Variants in HDAC9 observed in about 807,000 individuals in gnomAD.
HDAC9 encodes MEF-2 interacting transcription repressor (MITR) protein.
HDAC9 carries 41 observed loss-of-function variants against 139.4 expected under a neutral mutation model. That is an observed-to-expected ratio of 0.29 (90% CI 0.23 to 0.38). The LOEUF (loss-of-function observed/expected upper bound fraction) is 0.38. Ranked by LOEUF, HDAC9 falls within the 10% of genes least tolerant of loss-of-function variation. The pLI, the probability that HDAC9 is intolerant of heterozygous loss-of-function variation, is 1.00. For synonymous variants in HDAC9, 517 were observed against 476.2 expected (o/e 1.09, Z -1.12); for missense variants, 1,147 against 1,297.0 (o/e 0.88, Z 1.78).
At chr7:18,304,552 A>G (rs924819223) in intron 1 of HDAC9, among the ~76,000 whole-genome samples, 4 of 152,176 alleles carry the variant, frequency 2.6e-5, no homozygotes, top group Admixed American at 2.6e-4. Context: ...GGGGACACAG[A>G]TGTATAGAAA....
intron 2 of HDAC9, among the ~76,000 whole-genome samples, chr7:18,563,725 AC>A (rs71014390): frequency 3.4e-5 from 5 of 148,222 alleles, no homozygotes; most frequent in African/African-American, 7.5e-5. Context: ...GAACCACCCA[AC>A]CCCCCCCATG....
intron 17 of HDAC9, among the ~76,000 whole-genome samples, chr7:18,812,969 T>G (rs1436065528): frequency 1.3e-5 from 2 of 152,120 alleles, no homozygotes; most frequent in Admixed American, 1.3e-4. Flanking sequence ...CATTGTACTA[T>G]TTACTTCTAG....
rs1239860480 is a variant in HDAC9 at position 18,499,352 on chromosome 7, A to G, written c.22+3028A>G. ...GAATACAAGTTTTTTTTATGGTTGTATGTTTTTTTGATATTGACTCGGCCA... is the reference window on the plus strand; with the variant it reads ...GAATACAAGTTTTTTTTATGGTTGTGTGTTTTTTTGATATTGACTCGGCCA... On this transcript the variant is annotated intron_variant, in intron 2 of 25. Transcript: ENST00000686413. Among the ~76,000 whole-genome samples, 7 of 152,146 alleles carry G rather than the reference A, an allele frequency of 4.6e-5. No homozygotes were observed. The East Asian group carries it at 1.4e-3, about 29-fold the overall frequency.
At chr7:18,925,060 C>T (rs998001294) in intron 22 of HDAC9, among the ~76,000 whole-genome samples, 3 of 152,008 alleles carry the variant, frequency 2.0e-5, no homozygotes, top group African/African-American at 7.2e-5. Flanking sequence ...GCAAAAAAAT[C>T]GAAGTGGATC....
intron 2 of HDAC9, among the ~76,000 whole-genome samples, chr7:18,228,941 C>T (rs958967517): frequency 5.3e-5 from 8 of 152,120 alleles, no homozygotes; most frequent in Admixed American, 2.6e-4. Flanking sequence ...GGTCAAAATC[C>T]AGTATGGGAA....
At chr7:18,267,398 T>A (rs1398193095) in intron 2 of HDAC9, among the ~76,000 whole-genome samples, 2 of 152,108 alleles carry the variant, frequency 1.3e-5, no homozygotes, top group African/African-American at 4.8e-5. Flanking sequence ...AACTTATTCC[T>A]CCTATCTAAC....
intron 17 of HDAC9, 65 bp from the exon 18 acceptor site, chr7:18,829,096 C>A: frequency 8.8e-7 from 1 of 1,136,664 alleles, no homozygotes; most frequent in Non-Finnish European, 1.3e-6. Context: ...CCTGGAGATC[C>A]AAGCAATCCC....
intron 2 of HDAC9, chr7:18,260,611 G>C (rs1055968348): frequency 1.9e-5 from 3 of 154,358 alleles, no homozygotes; most frequent in African/African-American, 7.2e-5. Flanking sequence ...GAGCCACCGC[G>C]CCCGGCCAAC....
At chr7:18,317,769 T>A (rs1416996841) in intron 1 of HDAC9, among the ~76,000 whole-genome samples, 1 of 152,206 alleles carries the variant, frequency 6.6e-6, no homozygotes, top group African/African-American at 2.4e-5. Flanking sequence ...TCTGTAAATC[T>A]ATGGTGTAAG....
At chr7:18,349,287 C>T (rs1782662897) in intron 1 of HDAC9, among the ~76,000 whole-genome samples, 1 of 146,644 alleles carries the variant, frequency 6.8e-6, no homozygotes. Context: ...TCCAGATGAC[C>T]TCCCATACTT....
At chr7:18,915,430 T>A (rs1250399844) in intron 22 of HDAC9, among the ~76,000 whole-genome samples, 1 of 151,806 alleles carries the variant, frequency 6.6e-6, no homozygotes, top group Admixed American at 6.6e-5. Context: ...TTTTTTAAGT[T>A]GAATAAAATA....
chr7:18,974,974 A>G (rs1447897719), intron 24 of HDAC9, among the ~76,000 whole-genome samples: 1 of 152,214 alleles, frequency 6.6e-6, no homozygotes, highest in Non-Finnish European at 1.5e-5. Context: ...GGCTGCAGAG[A>G]TAGTACTAAC....
At chr7:18,623,668 G>C (rs1246763723) in intron 6 of HDAC9, among the ~76,000 whole-genome samples, 1 of 152,182 alleles carries the variant, frequency 6.6e-6, no homozygotes, top group Non-Finnish European at 1.5e-5. Flanking sequence ...TGGTGGCTGG[G>C]TGCAGTGGCT....
chr7:18,517,494 C>A (rs1237721160), intron 2 of HDAC9, among the ~76,000 whole-genome samples: 1 of 152,148 alleles, frequency 6.6e-6, no homozygotes, highest in Non-Finnish European at 1.5e-5. Flanking sequence ...CATTTCTCCT[C>A]TTTTACAGTC....
chr7:18,218,428 G>A (rs138362339), intron 2 of HDAC9, among the ~76,000 whole-genome samples: 1,966 of 151,924 alleles, frequency 0.013, 22 homozygotes, highest in Middle Eastern at 0.027. Flanking sequence ...TGGGAGACAG[G>A]GAGAGACTCT....
intron 2 of HDAC9, among the ~76,000 whole-genome samples, chr7:18,243,932 T>C (rs1333683719): frequency 6.6e-6 from 1 of 152,144 alleles, no homozygotes; most frequent in African/African-American, 2.4e-5. Context: ...ATAATGATTA[T>C]GTGATAATAG....
rs557353445 is a variant in HDAC9 at position 18,404,101 on chromosome 7, A to C, written c.-41-92161A>C. Among the ~76,000 whole-genome samples, 9 of 152,340 alleles carry C rather than the reference A, an allele frequency of 5.9e-5. No individual in the cohort carries two copies. The South Asian group carries it at 1.7e-3, about 28-fold the overall frequency. On this transcript the variant is annotated intron_variant, in intron 1 of 3. Coordinates refer to the HDAC9 transcript ENST00000413509. ...GGGGAGTTGACCTTAATCAGAAATCAATAAGGATGAGGCAATACGTATCTT... is the reference window on the plus strand; with the variant it reads ...GGGGAGTTGACCTTAATCAGAAATCCATAAGGATGAGGCAATACGTATCTT...
rs909401191 is a variant in HDAC9, at chr7:18,999,940, A to G, written c.*3878A>G. 1.3e-5 allele frequency: 2 copies of G among 152,192 alleles called. No homozygotes were observed. The highest frequency in any genetic ancestry group is 4.8e-5 in the African/African-American group (2 of 41,444). The allele number at this position is 152,192 out of a possible 1,614,324, so 9.4% of individuals were successfully genotyped here. A position where few individuals can be genotyped will look rare whatever the true frequency, so the allele number is the denominator to read the frequency against. ...CTTGAAACGACTCTGTCAGTGTTTG[A>G]CATTGTCATTTCTAGTGGCATGTAT... On this transcript the variant is annotated 3_prime_UTR_variant, in exon 26 of 26. Transcript: ENST00000686413.
intron 22 of HDAC9, among the ~76,000 whole-genome samples, chr7:18,934,974 A>T (rs1278096337): frequency 6.6e-6 from 1 of 152,180 alleles, no homozygotes; most frequent in African/African-American, 2.4e-5. Flanking sequence ...ACAGCAAAAA[A>T]ACTATAGCTA....
Sources: allele counts gnomAD v4.1 joint callset (sites outside exome capture counted in the v4.1 genomes callset), GRCh38; gene constraint gnomAD v4.1.1; transcripts MANE v1.5; gene names NCBI Gene and HGNC (gene_info 2026-07-23, HGNC 2026-07-21).